Variants in ZNF317 observed in about 807,000 individuals in gnomAD.
The protein encoded by ZNF317 is KRAB-containing zinc finger protein 317.
A neutral mutation model predicts 23.4 loss-of-function variants in ZNF317; 17 were observed. The observed-to-expected ratio is 0.73, with a 90% confidence interval of 0.50 to 1.09. The LOEUF is 1.09. Ranked by LOEUF, ZNF317 falls within the 50% of genes least tolerant of loss-of-function variation. The probability of loss-of-function intolerance (pLI) is 0.00; values close to 1 mark genes in which losing one functional copy is unlikely to be tolerated. For missense variants in ZNF317, 679 were observed against 796.7 expected (o/e 0.85, Z 1.78); for synonymous variants, 317 against 314.9 (o/e 1.01, Z -0.07).
intron 2 of ZNF317, among the ~76,000 whole-genome samples, chr19:9,156,378 A>G (rs1299145902): frequency 6.6e-6 from 1 of 152,156 alleles, no homozygotes; most frequent in Non-Finnish European, 1.5e-5. Context: ...GGTTGGAACT[A>G]TGTCACTTCT....
intron 1 of ZNF317, among the ~76,000 whole-genome samples, chr19:9,152,452 T>TC (rs996296234): frequency 6.6e-6 from 1 of 152,140 alleles, no homozygotes; most frequent in African/African-American, 2.4e-5. Context: ...TTACAGCGGC[T>TC]CCCCATCACT....
intron 1 of ZNF317, among the ~76,000 whole-genome samples, chr19:9,150,230 C>A (rs2050724398): frequency 6.6e-6 from 1 of 152,102 alleles, no homozygotes; most frequent in Non-Finnish European, 1.5e-5. Context: ...AGAGTGGCAC[C>A]CACTATAAAT....
At position 9,160,852 on chromosome 19, in the gene ZNF317, GT is replaced by G; in HGVS notation, c.1208del (p.Val403GlyfsTer7). On this transcript the variant is annotated frameshift_variant, in exon 7 of 7. Transcript: ENST00000247956. LOFTEE classifies it low-confidence loss of function (END_TRUNC). The surrounding 1 kb of genome is among the most constrained non-coding windows in gnomAD (Gnocchi z 6.8). ...KECGKSFGDL[V>X]SRRKHMRIHI... ...ATGCGGGAAATCCTTTGGCGATCTCGTGTCCCGGAGGAAACACATGAGGATT... is the reference window on the plus strand; with the variant it reads ...ATGCGGGAAATCCTTTGGCGATCTCGGTCCCGGAGGAAACACATGAGGATT... The G allele has an allele frequency of 5.0e-6, 8 of 1,614,118 alleles. No homozygotes were observed. The highest frequency in any genetic ancestry group is 6.8e-6 in the Non-Finnish European group (8 of 1,180,024).
chr19:9,153,275 C>T (rs1157015536), intron 1 of ZNF317, among the ~76,000 whole-genome samples: 2 of 152,156 alleles, frequency 1.3e-5, no homozygotes, highest in Admixed American at 6.5e-5. Flanking sequence ...GATTCTCCTG[C>T]CTCAGCCTCC....
Position 9,160,717 on chromosome 19 carries a change from G to C in ZNF317, c.1072G>C (p.Gly358Arg). ...HLKEHVRNHT[G>R]EKPYACTQCG... ...CAAAGAGCACGTGAGGAATCACACG[G>C]GGGAGAAGCCCTACGCGTGCACGCA... is the stretch of plus-strand genomic sequence containing the variant. Residue 358 changes from glycine to arginine, a missense_variant, in exon 7 of 7, where the codon GGG (glycine) becomes CGG (arginine). Coordinates refer to ENST00000247956, the MANE Select transcript of ZNF317 (RefSeq NM_020933.5). This position sits in a 1 kb window ranked among gnomAD's most constrained non-coding sequence, Gnocchi z 6.8. 6.2e-7 allele frequency: 1 copy of C among 1,614,196 alleles called. No individual in the cohort carries two copies. The highest frequency in any genetic ancestry group is 8.5e-7 in the Non-Finnish European group (1 of 1,180,042).
intron 6 of ZNF317, among the ~76,000 whole-genome samples, chr19:9,159,906 C>T (rs1205574998): frequency 6.6e-6 from 1 of 152,204 alleles, no homozygotes; most frequent in Non-Finnish European, 1.5e-5. Context: ...AAAAGTAACA[C>T]ATGTGGAGCC....
chr19:9,146,276 T>G (rs1473771830), intron 1 of ZNF317, among the ~76,000 whole-genome samples: 1 of 151,926 alleles, frequency 6.6e-6, no homozygotes, highest in Non-Finnish European at 1.5e-5. Flanking sequence ...CCCTGGGACA[T>G]CTCATCTAGC....
chr19:9,162,372 T>A lies in ZNF317; in HGVS notation c.*939T>A, dbSNP rs1050597451. 2.6e-5 allele frequency: 4 copies of A among 152,126 alleles called. No individual in the cohort carries two copies. Among genetic ancestry groups the A allele is most frequent in the African/African-American group, 9.7e-5 (4 of 41,406 alleles). The allele number at this position is 152,126 out of a possible 1,614,324, so 9.4% of individuals were successfully genotyped here. On this transcript the variant is annotated 3_prime_UTR_variant, in exon 7 of 7. Coordinates refer to ENST00000247956, the MANE Select transcript of ZNF317 (RefSeq NM_020933.5). ...AGCAATTCCTCCATTTTTATGAATC[T>A]TGTGAGCACTTACGCTAGGAGAAAT...
intron 1 of ZNF317, among the ~76,000 whole-genome samples, chr19:9,151,797 T>C (rs2145948873): frequency 6.6e-6 from 1 of 152,278 alleles, no homozygotes; most frequent in South Asian, 2.1e-4. Flanking sequence ...ACATACATGA[T>C]TTGCAAATAT....
At chr19:9,145,105 C>T (rs755175418) in intron 1 of ZNF317, among the ~76,000 whole-genome samples, 11 of 152,114 alleles carry the variant, frequency 7.2e-5, no homozygotes, top group African/African-American at 1.2e-4. Context: ...AGTGCAATGG[C>T]GTAATCTCGT....
At chr19:9,145,220 T>C (rs556001749) in intron 1 of ZNF317, among the ~76,000 whole-genome samples, 84 of 152,320 alleles carry the variant, frequency 5.5e-4, no homozygotes, top group African/African-American at 2.0e-3. Context: ...AATTTTTGTA[T>C]TTTTAGTAAA....
At position 9,161,304 on chromosome 19, in the gene ZNF317, C is replaced by G. The variant is rs144175390; in HGVS notation, c.1659C>G (p.Thr553=). 2 of 1,613,266 alleles carry G rather than the reference C, an allele frequency of 1.2e-6. No homozygotes were observed. Among genetic ancestry groups the G allele is most frequent in the South Asian group, 1.1e-5 (1 of 90,984 alleles). ...TGAATGTGCACAGGCGGATCCACAC[C>G]GGGGAGAAGCCCTACGAATGCCTTG... ...SNLNVHRRIH[T]GEKPYECLVC... Residue 553 remains threonine, a synonymous_variant, in exon 7 of 7, where the codon ACC becomes ACG. Transcript: ENST00000247956. This position sits in a 1 kb window ranked among gnomAD's most constrained non-coding sequence, Gnocchi z 4.0.
intron 2 of ZNF317, among the ~76,000 whole-genome samples, chr19:9,156,292 TATCTC>T (rs2145954883): frequency 6.6e-6 from 1 of 152,180 alleles, no homozygotes; most frequent in East Asian, 1.9e-4. Flanking sequence ...AACCCTGAGT[TATCTC>T]ATTTATTATT....
chr19:9,158,133 G>C (rs898772432), intron 5 of ZNF317, 58 bp downstream of exon 5: 5 of 1,502,230 alleles, frequency 3.3e-6, no homozygotes, highest in Non-Finnish European at 4.4e-6. Flanking sequence ...CAGTGACTGG[G>C]GTGGAGGGAG....
rs1004378276 is a variant in ZNF317, at chr19:9,153,192, C to T, written c.-92-2733C>T. Reference sequence around the variant, plus strand: ...TGTTTGTTTGTTTGAGACTGAGTCTCGCTCTCTCACCCAGGCTAGAGTGTG... The same window carrying T: ...TGTTTGTTTGTTTGAGACTGAGTCTTGCTCTCTCACCCAGGCTAGAGTGTG... On this transcript the variant is annotated intron_variant, in intron 1 of 6. Transcript: ENST00000247956. Among the ~76,000 whole-genome samples the T allele has an allele frequency of 1.6e-4, 24 of 152,150 alleles. 1 individual carries two copies. The South Asian group carries it at 5.0e-3, about 32-fold the overall frequency.
At position 9,161,511 on chromosome 19, in the gene ZNF317, T is replaced by C; in HGVS notation, c.*78T>C. 1 of 1,524,482 alleles carries C rather than the reference T, an allele frequency of 6.6e-7. No homozygotes were observed. Among genetic ancestry groups the C allele is most frequent in the Non-Finnish European group, 8.8e-7 (1 of 1,135,814 alleles). 94.4% of individuals were successfully genotyped at this position (1,524,482 alleles called of 1,614,324 possible). On this transcript the variant is annotated 3_prime_UTR_variant, in exon 7 of 7. Transcript: ENST00000247956. The surrounding 1 kb of genome is among the most constrained non-coding windows in gnomAD (Gnocchi z 4.0). Reference sequence around the variant, plus strand: ...GGTGTAAGAGGAAGCCTCTGTGAGCTCGCACCTTACTGGGTGCAAAAGAAT... The same window carrying C: ...GGTGTAAGAGGAAGCCTCTGTGAGCCCGCACCTTACTGGGTGCAAAAGAAT...
At chr19:9,155,378 A>G (rs2050773033) in intron 1 of ZNF317, among the ~76,000 whole-genome samples, 1 of 152,156 alleles carries the variant, frequency 6.6e-6, no homozygotes, top group African/African-American at 2.4e-5. Flanking sequence ...GCGAATCTCT[A>G]AAGTGAGAGT....
chr19:9,141,682 G>A (rs2050631020), intron 1 of ZNF317, among the ~76,000 whole-genome samples: 1 of 152,114 alleles, frequency 6.6e-6, no homozygotes, highest in Non-Finnish European at 1.5e-5. Context: ...TTCAAGTTGT[G>A]GTGAATCTAT....
chr19:9,160,303 A>G lies in ZNF317; in HGVS notation c.658A>G (p.Lys220Glu). Residue 220 changes from lysine to glutamate, a missense_variant, in exon 7 of 7, where the codon AAA becomes GAA. Physicochemically the swap from Lys to Glu is moderately conservative, Grantham distance 56. Coordinates refer to ENST00000247956, the MANE Select transcript of ZNF317 (RefSeq NM_020933.5). This position sits in a 1 kb window ranked among gnomAD's most constrained non-coding sequence, Gnocchi z 6.8. ...TQHMSMYDGR[K>E]MHECHQCQKA... ...GCACATGAGCATGTACGACGGGAGA[A>G]AAATGCATGAATGTCATCAGTGCCA... The G allele has an allele frequency of 6.2e-7, 1 of 1,614,222 alleles. No homozygotes were observed. Among genetic ancestry groups the G allele is most frequent in the Non-Finnish European group, 8.5e-7 (1 of 1,180,042 alleles).
Sources: allele counts gnomAD v4.1 joint callset (sites outside exome capture counted in the v4.1 genomes callset), GRCh38; gene constraint gnomAD v4.1.1; non-coding constraint Gnocchi (gnomAD v3.1); transcripts MANE v1.5; gene names NCBI Gene and HGNC (gene_info 2026-07-23, HGNC 2026-07-21).